CDH13: variants seen among roughly 807,000 people sequenced by gnomAD.
The protein encoded by CDH13 is cadherin 13, also known as cadherin-13.
A neutral mutation model predicts 63.8 loss-of-function variants in CDH13; 24 were observed. That is an observed-to-expected ratio of 0.38 (90% CI 0.27 to 0.53). The LOEUF (loss-of-function observed/expected upper bound fraction) is 0.53. Ranked by LOEUF, CDH13 falls within the 20% of genes least tolerant of loss-of-function variation. The pLI is 0.85. For synonymous variants in CDH13, 503 were observed against 355.3 expected (o/e 1.42, Z -4.67); for missense variants, 1,049 against 903.1 (o/e 1.16, Z -2.07).
intron 1 of CDH13, among the ~76,000 whole-genome samples, chr16:82,662,924 T>C (rs1912134655): frequency 1.3e-5 from 2 of 152,288 alleles, no homozygotes; most frequent in African/African-American, 4.8e-5. Context: ...GCAAAGGACA[T>C]GCCTTCTCCC....
intron 5 of CDH13, among the ~76,000 whole-genome samples, chr16:83,259,636 C>A (rs557849469): frequency 6.6e-6 from 1 of 152,152 alleles, no homozygotes; most frequent in South Asian, 2.1e-4. Flanking sequence ...ACTTCTCAGT[C>A]TCAAATTTTT....
intron 5 of CDH13, among the ~76,000 whole-genome samples, chr16:83,226,678 T>A (rs1243123904): frequency 1.3e-5 from 2 of 152,204 alleles, no homozygotes; most frequent in African/African-American, 4.8e-5. Flanking sequence ...CGCAATACAT[T>A]GGGACTGCAA....
At chr16:83,127,631 G>T (rs993755940) in intron 4 of CDH13, among the ~76,000 whole-genome samples, 1 of 152,162 alleles carries the variant, frequency 6.6e-6, no homozygotes, top group Non-Finnish European at 1.5e-5. Flanking sequence ...GGAAGCTGAG[G>T]CAAGAGAACC....
intron 2 of CDH13, chr16:82,953,214 A>G (rs1905547796): frequency 6.6e-6 from 1 of 152,222 alleles, no homozygotes; most frequent in African/African-American, 2.4e-5. Context: ...AAAGGTCAAG[A>G]TAAAAAATAC....
At chr16:83,514,906 G>C (rs2074666570) in intron 7 of CDH13, among the ~76,000 whole-genome samples, 1 of 152,068 alleles carries the variant, frequency 6.6e-6, no homozygotes, top group South Asian at 2.1e-4. Flanking sequence ...CTGTTGTTTT[G>C]AGCCCCTCCG....
intron 7 of CDH13, among the ~76,000 whole-genome samples, chr16:83,587,975 G>A (rs181688663): frequency 2.4e-3 from 355 of 145,270 alleles, no homozygotes; most frequent in African/African-American, 7.9e-3. Context: ...GATCATTTCC[G>A]TCCAAACCTC....
intron 2 of CDH13, among the ~76,000 whole-genome samples, chr16:83,027,340 A>T (rs888519254): frequency 1.3e-5 from 2 of 152,188 alleles, no homozygotes; most frequent in Non-Finnish European, 2.9e-5. Flanking sequence ...AAAAGGTTCT[A>T]TGGGAAGGAA....
intron 4 of CDH13, among the ~76,000 whole-genome samples, chr16:83,185,120 A>G (rs113799724): frequency 0.012 from 1,875 of 152,272 alleles, 27 homozygotes; most frequent in African/African-American, 0.042. Flanking sequence ...ACTGAGGCAC[A>G]GAATCCTAAG....
intron 2 of CDH13, among the ~76,000 whole-genome samples, chr16:82,961,536 TCA>T (rs1906988405): frequency 1.4e-5 from 2 of 143,516 alleles, no homozygotes; most frequent in South Asian, 4.6e-4. Flanking sequence ...TATCAGCAAT[TCA>T]CAGTCTTTTG....
intron 13 of CDH13, among the ~76,000 whole-genome samples, chr16:83,788,259 G>A (rs1916017824): frequency 6.6e-6 from 1 of 152,146 alleles, no homozygotes; most frequent in Non-Finnish European, 1.5e-5. Flanking sequence ...CTGGAAATGA[G>A]TGTTTTAAAT....
intron 7 of CDH13, among the ~76,000 whole-genome samples, chr16:83,596,384 T>G (rs1458122083): frequency 6.6e-6 from 1 of 152,076 alleles, no homozygotes; most frequent in African/African-American, 2.4e-5. Context: ...ACATTTCCTC[T>G]TTTCAGAATC....
intron 2 of CDH13, among the ~76,000 whole-genome samples, chr16:82,905,304 A>G (rs1454169148): frequency 6.6e-6 from 1 of 152,222 alleles, no homozygotes; most frequent in Non-Finnish European, 1.5e-5. Flanking sequence ...AGCAATTTAT[A>G]ATATAACAAG....
intron 4 of CDH13, among the ~76,000 whole-genome samples, chr16:83,160,888 T>C (rs1000242770): frequency 2.6e-5 from 4 of 152,244 alleles, no homozygotes; most frequent in African/African-American, 9.6e-5. Context: ...TGGGATGTTA[T>C]GTCTAATTCC....
At chr16:83,651,647 G>C (rs1013417706) in intron 8 of CDH13, among the ~76,000 whole-genome samples, 6 of 137,010 alleles carry the variant, frequency 4.4e-5, no homozygotes, top group Non-Finnish European at 9.2e-5. Flanking sequence ...CCAGGCTGGA[G>C]TGCAGTAGCA....
intron 1 of CDH13, among the ~76,000 whole-genome samples, chr16:82,801,551 G>T (rs1310404557): frequency 6.6e-6 from 1 of 152,092 alleles, no homozygotes; most frequent in African/African-American, 2.4e-5. Context: ...CGGCAGCTAG[G>T]GTCAAGAACA....
chr16:83,293,927 C>A (rs541679092), intron 5 of CDH13, among the ~76,000 whole-genome samples: 1 of 152,130 alleles, frequency 6.6e-6, no homozygotes, highest in African/African-American at 2.4e-5. Flanking sequence ...TCTCATTTAA[C>A]TCCCATGATA....
chr16:82,799,058 C>T (rs1193045009), intron 1 of CDH13, among the ~76,000 whole-genome samples: 1 of 152,086 alleles, frequency 6.6e-6, no homozygotes, highest in East Asian at 1.9e-4. Flanking sequence ...TAGGACTATT[C>T]AAACCCAGCA....
chr16:83,609,712 C>G (rs555704918), intron 8 of CDH13, among the ~76,000 whole-genome samples: 2 of 152,284 alleles, frequency 1.3e-5, no homozygotes, highest in East Asian at 3.9e-4. Flanking sequence ...TTACTAACAG[C>G]TTTATTGAGA....
chr16:83,613,145 C>G (rs1254334722), intron 8 of CDH13, among the ~76,000 whole-genome samples: 3 of 152,188 alleles, frequency 2.0e-5, no homozygotes, highest in Non-Finnish European at 2.9e-5. Flanking sequence ...TCATGTTTGT[C>G]AAAAGGTCAG....
Sources: gnomAD v4.1 joint callset for allele counts (sites outside exome capture counted in the v4.1 genomes callset) on GRCh38, gnomAD v4.1.1 for gene constraint, MANE v1.5 for transcripts, NCBI Gene and HGNC (gene_info 2026-07-23, HGNC 2026-07-21) for gene names.